Variants in CCDC73 observed in about 807,000 individuals in gnomAD.
CCDC73 encodes the protein coiled-coil domain containing 73.
CCDC73 carries 95 observed loss-of-function variants against 116.5 expected under a neutral mutation model. The ratio of observed to expected loss-of-function variants is 0.82; its 90% CI spans 0.69 to 0.97. The LOEUF (loss-of-function observed/expected upper bound fraction) is 0.97. Ranked by LOEUF, CCDC73 falls within the 50% of genes least tolerant of loss-of-function variation. The probability of loss-of-function intolerance (pLI) is 0.00; values close to 1 mark genes in which losing one functional copy is unlikely to be tolerated. For missense variants in CCDC73, 1,066 were observed against 1,206.8 expected (o/e 0.88, Z 1.73); for synonymous variants, 398 against 401.3 (o/e 0.99, Z 0.10).
At chr11:32,619,741 GAGCAGA>G (rs990163896) in intron 14 of CCDC73, among the ~76,000 whole-genome samples, 13 of 151,344 alleles carry the variant, frequency 8.6e-5, no homozygotes, top group Non-Finnish European at 1.9e-4. Context: ...GATGAAGAAG[GAGCAGA>G]AGGAGGAGGA....
intron 7 of CCDC73, chr11:32,681,005 A>G (rs1365156904): frequency 6.6e-6 from 1 of 152,018 alleles, no homozygotes; most frequent in Non-Finnish European, 1.5e-5. Context: ...AATATTTATG[A>G]TTATGAAGTT....
intron 9 of CCDC73, among the ~76,000 whole-genome samples, chr11:32,663,664 C>G (rs903103431): frequency 3.9e-5 from 6 of 152,114 alleles, no homozygotes; most frequent in Admixed American, 6.6e-5. Flanking sequence ...GATTGAATAC[C>G]CTTTATTTCT....
intron 2 of CCDC73, among the ~76,000 whole-genome samples, chr11:32,726,203 T>C (rs1850028524): frequency 6.6e-6 from 1 of 152,104 alleles, no homozygotes; most frequent in Non-Finnish European, 1.5e-5. Flanking sequence ...TAGGGTCAAA[T>C]GACCAAAAAC....
rs567940342 is a variant in CCDC73, at chr11:32,685,112, T to C, written c.391-1538A>G. Among the ~76,000 whole-genome samples, 4 of 152,262 alleles carry C rather than the reference T, an allele frequency of 2.6e-5. No homozygotes were observed. The South Asian group carries it at 8.3e-4, about 32-fold the overall frequency. On this transcript the variant is annotated intron_variant, in intron 6 of 17. Coordinates refer to ENST00000335185, the MANE Select transcript of CCDC73 (RefSeq NM_001008391.4). Reference sequence around the variant, plus strand: ...TACAATAATTACTACACATTTCCTATGAAATAAATTTTTTAGCCTACTGCC... The same window carrying C: ...TACAATAATTACTACACATTTCCTACGAAATAAATTTTTTAGCCTACTGCC...
chr11:32,814,310 C>T, the CCDC73 span, among the ~76,000 whole-genome samples: 6 of 152,136 alleles, frequency 3.9e-5, no homozygotes, highest in Admixed American at 1.3e-4. Context: ...CCAATTGTTG[C>T]CCGATGTTAC....
At chr11:32,703,670 C>A (rs1849831520) in intron 3 of CCDC73, among the ~76,000 whole-genome samples, 1 of 152,152 alleles carries the variant, frequency 6.6e-6, no homozygotes. Context: ...GCTTACCTGG[C>A]AACATATACA....
chr11:32,804,288 AC>A, the CCDC73 span, among the ~76,000 whole-genome samples: 5 of 152,214 alleles, frequency 3.3e-5, no homozygotes, highest in East Asian at 9.7e-4. Flanking sequence ...ACAGGCGCAC[AC>A]CACAACGCTC....
Position 32,615,944 on chromosome 11 carries a change from T to C in CCDC73, c.1371A>G (p.Ile457Met), listed in dbSNP as rs1855469305. The change falls in exon 15 of 18, where the codon ATA becomes ATG. Residue 457 changes from isoleucine to methionine, a missense_variant. By Grantham distance (10) the Ile-to-Met change is conservative (BLOSUM62 1). Transcript: ENST00000335185. ...KEGSFIEEIIIDDLQLFEKSF... is the reference protein window; with the variant it reads ...KEGSFIEEIIMDDLQLFEKSF... ...TCAATATAATTTTAAGGTTACCATC[T>C]ATAATTATTTCCTCTATAAATGAGC... 1 of 1,549,868 alleles carries C rather than the reference T, an allele frequency of 6.5e-7. No individual in the cohort carries two copies. The highest frequency in any genetic ancestry group is 8.8e-7 in the Non-Finnish European group (1 of 1,135,432).
the CCDC73 span, among the ~76,000 whole-genome samples, chr11:32,818,014 G>A: frequency 2.0e-5 from 3 of 152,120 alleles, no homozygotes; most frequent in Admixed American, 6.5e-5. Context: ...TGGCACTTAC[G>A]GTGAAACTAA....
chr11:32,644,608 A>G (rs572645492), intron 12 of CCDC73, among the ~76,000 whole-genome samples: 1 of 152,172 alleles, frequency 6.6e-6, no homozygotes, highest in Non-Finnish European at 1.5e-5. Context: ...CATTATCTCA[A>G]ATAGAAATTC....
chr11:32,606,955 T>C (rs910255357), intron 17 of CCDC73, among the ~76,000 whole-genome samples: 13 of 151,480 alleles, frequency 8.6e-5, no homozygotes, highest in African/African-American at 3.2e-4. Flanking sequence ...TTTTGTATTT[T>C]TAGTAGAGAC....
chr11:32,744,516 C>T (rs1473788763), intron 2 of CCDC73, among the ~76,000 whole-genome samples: 1 of 152,104 alleles, frequency 6.6e-6, no homozygotes, highest in Admixed American at 6.6e-5. Flanking sequence ...TGGTAGAATT[C>T]GGCTGTGAAT....
the CCDC73 span, among the ~76,000 whole-genome samples, chr11:32,807,264 C>T: frequency 2.0e-5 from 3 of 152,200 alleles, no homozygotes; most frequent in Non-Finnish European, 2.9e-5. Flanking sequence ...TTGCTGTTTA[C>T]TCGTATAGCT....
chr11:32,722,603 A>G (rs1382242092), intron 2 of CCDC73, among the ~76,000 whole-genome samples: 2 of 152,230 alleles, frequency 1.3e-5, no homozygotes, highest in Non-Finnish European at 2.9e-5. Context: ...ATTAAAACAT[A>G]TTGAAAAAGG....
At chr11:32,661,555 G>T (rs149658744) in intron 9 of CCDC73, among the ~76,000 whole-genome samples, 120 of 151,156 alleles carry the variant, frequency 7.9e-4, no homozygotes, top group African/African-American at 2.7e-3. Context: ...GCGGTGTTTG[G>T]ATTTTGTCCT....
chr11:32,808,126 A>T, the CCDC73 span, among the ~76,000 whole-genome samples: 1 of 152,150 alleles, frequency 6.6e-6, no homozygotes, highest in Non-Finnish European at 1.5e-5. Context: ...GTAGATCAGG[A>T]GGCAAACTCA....
At chr11:32,691,303 C>T (rs1253255016) in intron 6 of CCDC73, among the ~76,000 whole-genome samples, 1 of 152,146 alleles carries the variant, frequency 6.6e-6, no homozygotes, top group African/African-American at 2.4e-5. Flanking sequence ...GCCTCAGCCT[C>T]CCAAAGTGCT....
At chr11:32,645,395 G>A (rs940946927) in intron 12 of CCDC73, among the ~76,000 whole-genome samples, 1 of 150,142 alleles carries the variant, frequency 6.7e-6, no homozygotes, top group African/African-American at 2.5e-5. Flanking sequence ...AGGTTCAAGC[G>A]ATTCTCCGGC....
chr11:32,767,367 T>C lies in CCDC73; in HGVS notation c.-15-7109A>G, dbSNP rs1238485265. Among the ~76,000 whole-genome samples the C allele has an allele frequency of 1.6e-4, 25 of 152,050 alleles. 1 individual carries two copies. Among genetic ancestry groups the C allele is most frequent in the African/African-American group, 3.4e-4 (14 of 41,384 alleles). On this transcript the variant is annotated intron_variant, in intron 1 of 17. Coordinates refer to ENST00000335185, the MANE Select transcript of CCDC73 (RefSeq NM_001008391.4). ...ATGTTAGACCTAAAACCATAAAAAC[T>C]CTAGAAGAAAGCCTAGGCAATACCA...
Sources: allele counts gnomAD v4.1 joint callset (sites outside exome capture counted in the v4.1 genomes callset), GRCh38; gene constraint gnomAD v4.1.1; transcripts MANE v1.5; gene names NCBI Gene and HGNC (gene_info 2026-07-23, HGNC 2026-07-21).